Variants in GOLGA5 observed in about 807,000 individuals in gnomAD.
GOLGA5 encodes the protein golgin subfamily A member 5.
In GOLGA5, 50 loss-of-function variants were observed where a neutral mutation model predicts 93.5. That is an observed-to-expected ratio of 0.53 (90% CI 0.43 to 0.68). The LOEUF (loss-of-function observed/expected upper bound fraction) is 0.68, where lower values mean the gene tolerates loss of function less well. GOLGA5 is among the 30% of genes least tolerant of loss of function. GOLGA5 has a pLI of 0.00. For missense variants in GOLGA5, 760 were observed against 856.4 expected, an observed-to-expected ratio of 0.89 and a Z score of 1.40; for synonymous variants, 312 against 304.5, an observed-to-expected ratio of 1.02 and a Z score of -0.26.
chr14:92,816,550 T>TCTCTTCCTCCTC, intron 7 of GOLGA5, 129 bp downstream of exon 7: 1 of 684,362 alleles, frequency 1.5e-6, no homozygotes, highest in Non-Finnish European at 2.5e-6. Context: ...TCGCTTCTCT[T>TCTCTTCCTCCTC]CTCTTCCTCC....
chr14:92,823,310 G>C (rs1885352001), intron 8 of GOLGA5, among the ~76,000 whole-genome samples: 1 of 151,826 alleles, frequency 6.6e-6, no homozygotes, highest in Non-Finnish European at 1.5e-5. Context: ...TAGTCACTTT[G>C]TCTGTTTATG....
intron 2 of GOLGA5, among the ~76,000 whole-genome samples, chr14:92,803,011 T>C (rs1336695254): frequency 6.6e-6 from 1 of 152,016 alleles, no homozygotes; most frequent in Admixed American, 6.6e-5. Context: ...TTTGCATTTA[T>C]TTAGTTAATT....
chr14:92,835,946 T>G (rs372631574), intron 11 of GOLGA5, among the ~76,000 whole-genome samples: 3 of 151,760 alleles, frequency 2.0e-5, no homozygotes, highest in Non-Finnish European at 2.9e-5. Flanking sequence ...ACTGTATCTC[T>G]TTTTTCTATA....
chr14:92,824,150 G>T (rs1410767326), intron 8 of GOLGA5, among the ~76,000 whole-genome samples: 2 of 151,944 alleles, frequency 1.3e-5, no homozygotes, highest in Non-Finnish European at 2.9e-5. Flanking sequence ...TCTATTTTAT[G>T]AACATTATAT....
At chr14:92,826,263 A>G (rs1230671355) in intron 9 of GOLGA5, among the ~76,000 whole-genome samples, 2 of 150,684 alleles carry the variant, frequency 1.3e-5, no homozygotes, top group Non-Finnish European at 3.0e-5. Flanking sequence ...TACAATCTGA[A>G]AAGAGATCAG....
rs115456751 is a variant in GOLGA5, at chr14:92,799,254, C to T, written c.544+1273C>T. ...CATTGGGATTATGGGCATGATCTACCGTGGCCTGGCCATAGGGATTTTTTT... is the reference window on the plus strand; with the variant it reads ...CATTGGGATTATGGGCATGATCTACTGTGGCCTGGCCATAGGGATTTTTTT... On this transcript the variant is annotated intron_variant, in intron 2 of 12. Transcript: ENST00000163416. Among the ~76,000 whole-genome samples the T allele has an allele frequency of 5.4e-3, 810 of 151,134 alleles. 5 individuals carry two copies. The highest frequency in any genetic ancestry group is 0.019 in the African/African-American group (778 of 41,028).
intron 8 of GOLGA5, among the ~76,000 whole-genome samples, chr14:92,823,019 C>T (rs1413842349): frequency 6.6e-6 from 1 of 152,164 alleles, no homozygotes; most frequent in African/African-American, 2.4e-5. Context: ...TCTGGATTTT[C>T]AGTCACCGTG....
In GOLGA5 at chr14:92,806,839, T is replaced by C; in HGVS notation, c.648T>C (p.Asn216=). The C allele has an allele frequency of 6.2e-7, 1 of 1,612,484 alleles. No homozygotes were observed. The highest frequency in any genetic ancestry group is 8.5e-7 in the Non-Finnish European group (1 of 1,178,524). The change falls in exon 3 of 13, where the codon AAT becomes AAC. Residue 216 remains asparagine, a synonymous_variant. Coordinates refer to ENST00000163416, the MANE Select transcript of GOLGA5 (RefSeq NM_005113.4). The part of the protein sequence containing the change: ...AACPDHTPTP[N]DDGKSHELSN... ...GCCCTGACCACACCCCAACACCTAA[T>C]GATGATGGCAAATCACATGAACTGT...
In GOLGA5 at chr14:92,816,252, C is replaced by T; in HGVS notation, c.1322C>T (p.Ser441Phe). Residue 441 changes from serine to phenylalanine, a missense_variant and splice_region_variant, in exon 7 of 13, where the codon TCT becomes TTT. Physicochemically the swap from Ser to Phe is radical, Grantham distance 155. Transcript: ENST00000163416. ...YKQKATRILQSKEKLINSLKE... is the reference protein window; with the variant it reads ...YKQKATRILQFKEKLINSLKE... ...AACATATTTCTTCTTTTATAATAGT[C>T]TAAGGAAAAATTGATTAACAGCTTG... 1 of 1,604,962 alleles carries T rather than the reference C, an allele frequency of 6.2e-7. No individual in the cohort carries two copies. Among genetic ancestry groups the T allele is most frequent in the Non-Finnish European group, 8.5e-7 (1 of 1,172,864 alleles).
At chr14:92,794,817 C>G (rs771114090) in intron 1 of GOLGA5, among the ~76,000 whole-genome samples, 1 of 152,196 alleles carries the variant, frequency 6.6e-6, no homozygotes, top group East Asian at 1.9e-4. Flanking sequence ...CTCCAGCCTC[C>G]CTCCCTCTGT....
At chr14:92,836,655 C>T (rs866768547) in intron 11 of GOLGA5, among the ~76,000 whole-genome samples, 1 of 152,112 alleles carries the variant, frequency 6.6e-6, no homozygotes, top group Non-Finnish European at 1.5e-5. Context: ...AAGCATGTAT[C>T]TATACAAAAG....
intron 8 of GOLGA5, among the ~76,000 whole-genome samples, chr14:92,820,381 C>T (rs1021431555): frequency 1.3e-5 from 2 of 152,390 alleles, no homozygotes; most frequent in East Asian, 3.9e-4. Context: ...TTGCTGCCAA[C>T]ATGTCTCGCC....
At chr14:92,799,401 C>G (rs1884812263) in intron 2 of GOLGA5, among the ~76,000 whole-genome samples, 1 of 149,844 alleles carries the variant, frequency 6.7e-6, no homozygotes, top group African/African-American at 2.5e-5. Flanking sequence ...CTCAGCCTCC[C>G]AAGTAGCTGG....
chr14:92,821,747 A>C (rs1566958212), intron 8 of GOLGA5, among the ~76,000 whole-genome samples: 1 of 152,204 alleles, frequency 6.6e-6, no homozygotes, highest in South Asian at 2.1e-4. Flanking sequence ...CTATTTCCTG[A>C]GTACTCAGTG....
At chr14:92,798,197 A>C (rs1345111740) in intron 2 of GOLGA5, among the ~76,000 whole-genome samples, 3 of 152,216 alleles carry the variant, frequency 2.0e-5, no homozygotes, top group African/African-American at 7.2e-5. Context: ...CTGGAGGGCA[A>C]CTTCACCCAC....
intron 9 of GOLGA5, among the ~76,000 whole-genome samples, chr14:92,827,978 G>C (rs1208654753): frequency 6.6e-6 from 1 of 152,162 alleles, no homozygotes; most frequent in East Asian, 1.9e-4. Flanking sequence ...GCAGAGGTTT[G>C]GTTTTGAGGT....
chr14:92,833,993 C>CT (rs763505759), intron 10 of GOLGA5, among the ~76,000 whole-genome samples: 9,502 of 131,722 alleles, frequency 0.072, 363 homozygotes, highest in African/African-American at 0.095. Context: ...AGTGTCACTT[C>CT]TTTTTTTTTT....
intron 8 of GOLGA5, among the ~76,000 whole-genome samples, chr14:92,822,154 C>A (rs1885329269): frequency 6.6e-6 from 1 of 152,196 alleles, no homozygotes; most frequent in South Asian, 2.1e-4. Context: ...AGAAATCAGA[C>A]AAACCTTGTA....
intron 6 of GOLGA5, among the ~76,000 whole-genome samples, chr14:92,812,129 C>T (rs776895194): frequency 6.6e-6 from 1 of 152,010 alleles, no homozygotes; most frequent in Non-Finnish European, 1.5e-5. Context: ...GCTTTTTTTC[C>T]CCTCCTTCAG....
Sources: allele counts gnomAD v4.1 joint callset (sites outside exome capture counted in the v4.1 genomes callset), GRCh38; gene constraint gnomAD v4.1.1; transcripts MANE v1.5; gene names NCBI Gene and HGNC (gene_info 2026-07-23, HGNC 2026-07-21).